ROCK2: variants seen among roughly 807,000 people sequenced by gnomAD.
ROCK2 encodes rho-associated protein kinase 2.
In ROCK2, 61 loss-of-function variants were observed where a neutral mutation model predicts 195.1. That is an observed-to-expected ratio of 0.31 (90% CI 0.25 to 0.39). The LOEUF (loss-of-function observed/expected upper bound fraction) is 0.39. Among genes scored for constraint, ROCK2 ranks in the 10% least tolerant of loss-of-function variants. The pLI, the probability that ROCK2 is intolerant of heterozygous loss-of-function variation, is 1.00. For missense variants in ROCK2, 1,109 were observed against 1,637.4 expected (o/e 0.68, Z 5.57); for synonymous variants, 504 against 545.5 (o/e 0.92, Z 1.06).
At chr2:11,238,209 A>AGTGTGTGTGTGT (rs6146630) in intron 4 of ROCK2, among the ~76,000 whole-genome samples, 35,670 of 135,072 alleles carry the variant, frequency 0.26, 5,534 homozygotes, top group South Asian at 0.39. Context: ...ATTGAGAAAG[A>AGTGTGTGTGTGT]GTGTGTGTGT....
At chr2:11,330,258 A>C (rs556773284) in intron 1 of ROCK2, among the ~76,000 whole-genome samples, 1 of 152,294 alleles carries the variant, frequency 6.6e-6, no homozygotes, top group South Asian at 2.1e-4. Flanking sequence ...CAAAAGATAA[A>C]ATGTCATAAA....
chr2:11,213,371 C>G (rs1255470059), intron 17 of ROCK2, among the ~76,000 whole-genome samples: 2 of 152,088 alleles, frequency 1.3e-5, no homozygotes, highest in African/African-American at 4.8e-5. Flanking sequence ...TGATCTACCT[C>G]ATGCCGAGCT....
rs1211220471 is a variant in ROCK2, at chr2:11,227,310, T to C, written c.812A>G (p.Tyr271Cys). 1 of 1,613,968 alleles carries C rather than the reference T, an allele frequency of 6.2e-7. No homozygotes were observed. Among genetic ancestry groups the C allele is most frequent in the East Asian group, 2.2e-5 (1 of 44,858 alleles). ...AGACCACCAATCACATTCTCGCCCA[T>C]AGAAACCATCACCCCCTTGTGATTT... ...VLKSQGGDGF[Y>C]GRECDWWSVG... Residue 271 changes from tyrosine (Y) to cysteine (C), a missense_variant, in exon 6 of 33, where the codon TAT (tyrosine) becomes TGT (cysteine). Transcript: ENST00000315872.
intron 1 of ROCK2, among the ~76,000 whole-genome samples, chr2:11,338,239 T>C (rs1462975608): frequency 6.6e-6 from 1 of 151,976 alleles, no homozygotes; most frequent in Non-Finnish European, 1.5e-5. Flanking sequence ...TAGTCCCTAC[T>C]AGAGGGGCTA....
intron 3 of ROCK2, among the ~76,000 whole-genome samples, chr2:11,261,431 C>T (rs1374867906): frequency 6.6e-6 from 1 of 152,120 alleles, no homozygotes; most frequent in Non-Finnish European, 1.5e-5. Context: ...CTTTATTCTT[C>T]AACTCCTTCT....
At chr2:11,291,953 G>C (rs1014683692) in intron 1 of ROCK2, among the ~76,000 whole-genome samples, 1 of 151,304 alleles carries the variant, frequency 6.6e-6, no homozygotes, top group Admixed American at 6.6e-5. Flanking sequence ...GCCAGATGAA[G>C]AGTGCAGGAA....
At chr2:11,207,529 A>G (rs1207672759) in intron 20 of ROCK2, among the ~76,000 whole-genome samples, 197 bp downstream of exon 20, 2 of 152,240 alleles carry the variant, frequency 1.3e-5, no homozygotes, top group East Asian at 1.9e-4. Flanking sequence ...GTAATTAGGT[A>G]GCAGCAGTAA....
At chr2:11,303,260 TA>T (rs1416188474) in intron 1 of ROCK2, among the ~76,000 whole-genome samples, 1 of 152,222 alleles carries the variant, frequency 6.6e-6, no homozygotes, top group Admixed American at 6.5e-5. Flanking sequence ...TTTGTCCTTA[TA>T]AAAGTTATTT....
intron 4 of ROCK2, among the ~76,000 whole-genome samples, chr2:11,248,273 C>T (rs934592791): frequency 6.6e-5 from 10 of 151,822 alleles, no homozygotes; most frequent in Admixed American, 5.9e-4. Flanking sequence ...TATCAAACTC[C>T]CAGATCATTT....
chr2:11,217,031 T>C (rs1664458468), intron 12 of ROCK2, 59 bp downstream of exon 12: 9 of 909,690 alleles, frequency 9.9e-6, no homozygotes. Flanking sequence ...CGCTCTTTTT[T>C]CAGTAAATGT....
chr2:11,325,904 A>G (rs1411994871), intron 1 of ROCK2, among the ~76,000 whole-genome samples: 1 of 152,236 alleles, frequency 6.6e-6, no homozygotes, highest in Non-Finnish European at 1.5e-5. Context: ...GGTAACGCTG[A>G]TAAGATCTGG....
intron 1 of ROCK2, among the ~76,000 whole-genome samples, chr2:11,306,393 G>A (rs939351638): frequency 9.2e-5 from 14 of 152,094 alleles, no homozygotes; most frequent in Admixed American, 3.9e-4. Context: ...TCTATATTTC[G>A]CATTATCTTT....
At chr2:11,244,139 T>C (rs1665529734) in intron 4 of ROCK2, among the ~76,000 whole-genome samples, 1 of 152,230 alleles carries the variant, frequency 6.6e-6, no homozygotes, top group African/African-American at 2.4e-5. Context: ...GAAAAGAATT[T>C]CATTCTTGTC....
At chr2:11,218,299 A>G (rs1033474329) in intron 11 of ROCK2, 156 bp downstream of exon 11, 14 of 477,834 alleles carry the variant, frequency 2.9e-5, no homozygotes, top group Non-Finnish European at 1.1e-5. Context: ...CCACAGAACA[A>G]TAATAAAAGA....
At chr2:11,323,669 T>C (rs1348857328) in intron 1 of ROCK2, among the ~76,000 whole-genome samples, 1 of 152,168 alleles carries the variant, frequency 6.6e-6, no homozygotes, top group African/African-American at 2.4e-5. Flanking sequence ...TTAAAGAACA[T>C]GTTTTTTAAA....
chr2:11,190,906 T>C (rs1254534686), intron 32 of ROCK2, among the ~76,000 whole-genome samples: 1 of 152,176 alleles, frequency 6.6e-6, no homozygotes, highest in Admixed American at 6.5e-5. Flanking sequence ...CTGAGTTTCT[T>C]TAGCTTTAGT....
At chr2:11,340,352 C>A (rs1270262245) in intron 1 of ROCK2, among the ~76,000 whole-genome samples, 1 of 152,150 alleles carries the variant, frequency 6.6e-6, no homozygotes, top group Admixed American at 6.5e-5. Context: ...ATACATTTTA[C>A]CAAAAACTGG....
chr2:11,232,875 G>T (rs979740676), intron 5 of ROCK2, among the ~76,000 whole-genome samples: 1 of 152,148 alleles, frequency 6.6e-6, no homozygotes, highest in Non-Finnish European at 1.5e-5. Context: ...AAACAGAAAT[G>T]ACTGACAAAT....
At chr2:11,308,727 G>A in intron 1 of ROCK2, 1 of 1,611,556 alleles carries the variant, frequency 6.2e-7, no homozygotes, top group Non-Finnish European at 8.5e-7. Context: ...TTAACCAAAG[G>A]TGCAGCTATC....
Sources: allele counts gnomAD v4.1 joint callset (sites outside exome capture counted in the v4.1 genomes callset), GRCh38; gene constraint gnomAD v4.1.1; transcripts MANE v1.5; gene names NCBI Gene and HGNC (gene_info 2026-07-23, HGNC 2026-07-21).